Variants in NLRP5 observed in about 807,000 individuals in gnomAD.
NLRP5 encodes the protein NACHT, LRR and PYD domains-containing protein 5.
NLRP5 carries 93 observed loss-of-function variants against 113.1 expected under a neutral mutation model. That is an observed-to-expected ratio of 0.82 (90% CI 0.70 to 0.98). The LOEUF (loss-of-function observed/expected upper bound fraction) is 0.98. Among genes scored for constraint, NLRP5 ranks in the 50% least tolerant of loss-of-function variants. The probability of loss-of-function intolerance (pLI) is 0.00; values close to 1 mark genes in which losing one functional copy is unlikely to be tolerated. For synonymous variants in NLRP5, 751 were observed against 600.7 expected, an observed-to-expected ratio of 1.25 and a Z score of -3.66; for missense variants, 1,808 against 1,514.3, an observed-to-expected ratio of 1.19 and a Z score of -3.22.
chr19:56,005,592 CAGGTGGCATGCCTGT>C (rs1981870559), intron 2 of NLRP5, among the ~76,000 whole-genome samples: 30 of 147,508 alleles, frequency 2.0e-4, no homozygotes, highest in South Asian at 4.4e-4. Flanking sequence ...CGCACACACG[CAGGTGGCATGCCTGT>C]ACACACATAT....
chr19:56,012,576 C>CAA (rs11312971), intron 3 of NLRP5, among the ~76,000 whole-genome samples: 1 of 146,946 alleles, frequency 6.8e-6, no homozygotes, highest in African/African-American at 2.5e-5. Context: ...TTCCATAACC[C>CAA]AAAAAAAAAA....
rs199891669 is a variant in NLRP5, at chr19:56,043,542, C to T, written c.2957+2450C>T. Reference sequence around the variant, plus strand: ...TGGATTGTCTGTTTACTCTGCTATTCTTTTTTTTTTTTTTTTTTTTTTTTT... The same window carrying T: ...TGGATTGTCTGTTTACTCTGCTATTTTTTTTTTTTTTTTTTTTTTTTTTTT... On this transcript the variant is annotated intron_variant, in intron 11 of 14. Transcript: ENST00000390649. 1.0e-3 allele frequency among the ~76,000 whole-genome samples: 94 copies of T among 92,914 alleles called. No individual in the cohort carries two copies. The East Asian group carries it at 0.019, about 18-fold the overall frequency. 61.0% of individuals were successfully genotyped at this position (92,914 alleles called of 152,430 possible). A position where few individuals can be genotyped will look rare whatever the true frequency, so the allele number is the denominator to read the frequency against.
chr19:56,052,136 G>C (rs1983952060), intron 12 of NLRP5, among the ~76,000 whole-genome samples: 3 of 152,140 alleles, frequency 2.0e-5, no homozygotes, highest in Admixed American at 2.0e-4. Flanking sequence ...TGGTCTTCAA[G>C]GGTTGGCCCT....
In NLRP5 at chr19:56,027,737, C is replaced by T. The variant is rs2123305369; in HGVS notation, c.1504C>T (p.His502Tyr). Reference sequence around the variant, plus strand: ...CTTCAACCAAACGCTCACAGGCCTGCACGCCGCTTTTGTGTTTCATCAGCT... The same window carrying T: ...CTTCAACCAAACGCTCACAGGCCTGTACGCCGCTTTTGTGTTTCATCAGCT... Residue 502 changes from histidine to tyrosine, a missense_variant, in exon 7 of 15, where the codon CAC becomes TAC. By Grantham distance (83) the His-to-Tyr change is moderately conservative. Coordinates refer to ENST00000390649, the MANE Select transcript of NLRP5 (RefSeq NM_153447.4). The T allele has an allele frequency of 6.2e-7, 1 of 1,613,730 alleles. No homozygotes were observed. Among genetic ancestry groups the T allele is most frequent in the Non-Finnish European group, 8.5e-7 (1 of 1,179,842 alleles).
chr19:56,022,780 A>G (rs1033604613), intron 6 of NLRP5, among the ~76,000 whole-genome samples: 7 of 152,130 alleles, frequency 4.6e-5, no homozygotes, highest in Non-Finnish European at 8.8e-5. Flanking sequence ...GCTGGAGTGC[A>G]ATGGCGCGAT....
In NLRP5 at chr19:56,003,942, CCA is replaced by C; in HGVS notation, c.292_293del (p.Gln98ValfsTer2). 1 of 1,614,010 alleles carries C rather than the reference CCA, an allele frequency of 6.2e-7. No individual in the cohort carries two copies. Among genetic ancestry groups the C allele is most frequent in the South Asian group, 1.1e-5 (1 of 91,082 alleles). Reference sequence around the variant, plus strand: ...TTCAGAATCGACCACATGCTCTATTCCACAGTTTGAAATCGAGAATGCCAACG... The same window carrying C: ...TTCAGAATCGACCACATGCTCTATTCCAGTTTGAAATCGAGAATGCCAACG... On this transcript the variant is annotated frameshift_variant, in exon 2 of 15. Transcript: ENST00000390649. LOFTEE classifies it high-confidence loss of function.
In NLRP5 at chr19:56,055,533, C is replaced by CTTTTTTTTTTTTTTTTTTTTTTTTTTT. The variant is rs1491011983; in HGVS notation, c.3299+1726_3299+1727insTTTTTTTTTTTTTTTTTTTTTTTTTTT. 8.1e-4 allele frequency among the ~76,000 whole-genome samples: 81 copies of CTTTTTTTTTTTTTTTTTTTTTTTTTTT among 99,540 alleles called. 8 individuals are homozygous for CTTTTTTTTTTTTTTTTTTTTTTTTTTT. The highest frequency in any genetic ancestry group is 1.2e-3 in the Non-Finnish European group (60 of 48,254). The allele number at this position is 99,540 out of a possible 152,430, so 65.3% of individuals were successfully genotyped here. On this transcript the variant is annotated intron_variant, in intron 13 of 14. Coordinates refer to ENST00000390649, the MANE Select transcript of NLRP5 (RefSeq NM_153447.4). ...AGCTCCATGTTCTATTTTTCTTTCT[C>CTTTTTTTTTTTTTTTTTTTTTTTTTTT]TGTCTTTTTTTTTTTTTTTTTTTTT... is the stretch of plus-strand genomic sequence containing the variant.
At chr19:56,002,057 A>C (rs1182910796) in intron 1 of NLRP5, among the ~76,000 whole-genome samples, 3 of 152,208 alleles carry the variant, frequency 2.0e-5, no homozygotes, top group African/African-American at 7.2e-5. Flanking sequence ...ATCATAGACC[A>C]GGCTTCTAGA....
At chr19:56,053,362 C>G (rs1388983099) in intron 12 of NLRP5, among the ~76,000 whole-genome samples, 1 of 152,110 alleles carries the variant, frequency 6.6e-6, no homozygotes, top group Non-Finnish European at 1.5e-5. Context: ...CACCATTGCA[C>G]TCCAGCATGG....
chr19:55,988,529 TTCA>T, the NLRP5 span: 2 of 149,392 alleles, frequency 1.3e-5, no homozygotes, highest in African/African-American at 4.9e-5. Flanking sequence ...AGACAAAGTC[TTCA>T]TCGTCTTCTT....
chr19:56,036,960 A>G (rs1983340364), intron 9 of NLRP5, among the ~76,000 whole-genome samples: 1 of 152,082 alleles, frequency 6.6e-6, no homozygotes, highest in African/African-American at 2.4e-5. Flanking sequence ...GTCTCAAAAA[A>G]TAATAATAAT....
intron 4 of NLRP5, among the ~76,000 whole-genome samples, chr19:56,018,016 A>G (rs1443287206): frequency 2.0e-5 from 3 of 152,184 alleles, no homozygotes; most frequent in African/African-American, 7.2e-5. Flanking sequence ...CTCTACCCGT[A>G]ATATATGACC....
chr19:56,005,168 T>C (rs1284926943), intron 2 of NLRP5, among the ~76,000 whole-genome samples: 2 of 142,312 alleles, frequency 1.4e-5, no homozygotes, highest in Non-Finnish European at 3.1e-5. Context: ...TATACACATA[T>C]ATTTTTATAT....
intron 6 of NLRP5, among the ~76,000 whole-genome samples, chr19:56,023,725 T>C (rs768241432): frequency 2.0e-5 from 3 of 152,196 alleles, no homozygotes; most frequent in Non-Finnish European, 2.9e-5. Flanking sequence ...AGTTATACCA[T>C]TTTATATCAG....
rs1232091317 is a variant in NLRP5 at position 56,053,777 on chromosome 19, A to C, written c.3268A>C (p.Lys1090Gln). The change falls in exon 13 of 15, where the codon AAG (lysine) becomes CAG (glutamine). Residue 1090 changes from lysine to glutamine, a missense_variant. By Grantham distance (53) the Lys-to-Gln change is moderately conservative (BLOSUM62 1). Transcript: ENST00000390649. ...GGTTGCTGCGCTGTGCGAGGGACTGAAGCAAAAGAACAGTGTTCTGGCGAG... is the reference window on the plus strand; with the variant it reads ...GGTTGCTGCGCTGTGCGAGGGACTGCAGCAAAAGAACAGTGTTCTGGCGAG... 1 of 1,613,860 alleles carries C rather than the reference A, an allele frequency of 6.2e-7. No homozygotes were observed.
chr19:56,025,972 T>C (rs186103552), intron 6 of NLRP5, among the ~76,000 whole-genome samples: 173 of 152,266 alleles, frequency 1.1e-3, no homozygotes, highest in African/African-American at 3.7e-3. Context: ...AGTCCATGTT[T>C]AGATTCTACG....
intron 14 of NLRP5, among the ~76,000 whole-genome samples, chr19:56,058,652 A>G (rs1984246388): frequency 1.3e-5 from 2 of 152,216 alleles, no homozygotes; most frequent in Non-Finnish European, 2.9e-5. Flanking sequence ...TGGGAAGGGC[A>G]CAGAAAGAAC....
chr19:56,058,966 A>C (rs150362739), intron 14 of NLRP5, among the ~76,000 whole-genome samples: 1 of 152,368 alleles, frequency 6.6e-6, no homozygotes, highest in Non-Finnish European at 1.5e-5. Context: ...TAAAAAGACA[A>C]ATACTGTAGG....
Position 56,032,699 on chromosome 19 carries a change from G to A in NLRP5, c.2365G>A (p.Gly789Ser). 1 of 1,613,598 alleles carries A rather than the reference G, an allele frequency of 6.2e-7. No individual in the cohort carries two copies. Among genetic ancestry groups the A allele is most frequent in the Non-Finnish European group, 8.5e-7 (1 of 1,179,814 alleles). ...CCCACACCTGCGGCAGCTGGACCTG[G>A]GCAGCAGCATCCTGACAGAGCGGGC... The change falls in exon 8 of 15, where the codon GGC becomes AGC. Residue 789 changes from glycine (G) to serine (S), a missense_variant. Gly to Ser is a moderately conservative substitution (Grantham distance 56). Coordinates refer to ENST00000390649, the MANE Select transcript of NLRP5 (RefSeq NM_153447.4).
Sources: gnomAD v4.1 joint callset for allele counts (sites outside exome capture counted in the v4.1 genomes callset) on GRCh38, gnomAD v4.1.1 for gene constraint, MANE v1.5 for transcripts, NCBI Gene and HGNC (gene_info 2026-07-23, HGNC 2026-07-21) for gene names.